Variants in SMARCA1 observed in about 807,000 individuals in gnomAD.
The protein encoded by SMARCA1 is SWI/SNF-related matrix-associated actin-dependent regulator of chromatin subfamily A member 1.
Under a neutral mutation model 93.6 loss-of-function variants are expected in SMARCA1, and 17 were observed. That is an observed-to-expected ratio of 0.18 (90% confidence interval 0.12 to 0.27). SMARCA1 has a LOEUF of 0.27. Ranked by LOEUF, SMARCA1 falls within the 10% of genes least tolerant of loss-of-function variation. The pLI, the probability that SMARCA1 is intolerant of heterozygous loss-of-function variation, is 1.00. For missense variants in SMARCA1, 630 were observed against 819.0 expected (o/e 0.77, Z 2.82); for synonymous variants, 271 against 271.4 (o/e 1.00, Z 0.01).
intron 17 of SMARCA1, among the ~76,000 whole-genome samples, chrX:129,484,717 G>T (rs1933822645): frequency 9.0e-6 from 1 of 111,555 alleles, no homozygotes; most frequent in Non-Finnish European, 1.9e-5. Context: ...AATAAATTGG[G>T]GAGAAGGGGT....
chrX:129,470,885 T>C (rs1347416796), intron 20 of SMARCA1, among the ~76,000 whole-genome samples: 2 of 111,928 alleles, frequency 1.8e-5, no homozygotes, highest in African/African-American at 6.5e-5. Context: ...AAAAAGAATA[T>C]GTTAATAACT....
rs774003121 is a variant in SMARCA1 at position 129,516,103 on chromosome X, G to A, written c.429-109C>T. 3.0e-5 allele frequency: 20 copies of A among 659,359 alleles called. No homozygotes were observed. In the East Asian group the frequency reaches 4.8e-4, roughly 16 times the overall value. 54.3% of individuals were successfully genotyped at this position (659,359 alleles called of 1,213,427 possible). Reference sequence around the variant, plus strand: ...TATAGAAAAAGAATGAGTTGTCCAAGGTCTTGCTTAGAAATCAGTAGAACC... The same window carrying A: ...TATAGAAAAAGAATGAGTTGTCCAAAGTCTTGCTTAGAAATCAGTAGAACC... On this transcript the variant is annotated intron_variant, in intron 3 of 24. Transcript: ENST00000371121.
At position 129,523,283 on chromosome X, in the gene SMARCA1, C is replaced by G. The variant is rs778380103; in HGVS notation, c.88G>C (p.Gly30Arg). Reference sequence around the variant, plus strand: ...CCCTCCTCCTGAGAGGTGGACGGCCCGGGCTGCTCGTCCTCTATGACCACG... The same window carrying G: ...CCCTCCTCCTGAGAGGTGGACGGCCGGGGCTGCTCGTCCTCTATGACCACG... Reference protein sequence around the residue: ...TIVVIEDEQPGPSTSQEEGAA... With the variant: ...TIVVIEDEQPRPSTSQEEGAA... Residue 30 changes from glycine to arginine, a missense_variant, in exon 1 of 25, where the codon GGG (glycine) becomes CGG (arginine). Gly to Arg is a moderately radical substitution (Grantham distance 125). This residue lies in a region of SMARCA1 where 103 missense variants were observed against 82.0 expected (regional missense o/e 1.26). Coordinates refer to ENST00000371121, the MANE Select transcript of SMARCA1 (RefSeq NM_001282874.2). The G allele has an allele frequency of 6.2e-5, 75 of 1,207,176 alleles. No individual in the cohort carries two copies. Among genetic ancestry groups the G allele is most frequent in the Middle Eastern group, 2.3e-4 (1 of 4,354 alleles).
rs183726752 is a variant in SMARCA1, at chrX:129,470,120, G to A, written c.2565+1084C>T. On this transcript the variant is annotated intron_variant, in intron 20 of 24. Transcript: ENST00000371121. ...TAAAAACTATCTTTCAATAATTAAC[G>A]TGGAGAATTACCTACTACTATGCAT... Among the ~76,000 whole-genome samples, 472 of 111,070 alleles carry A rather than the reference G, an allele frequency of 4.2e-3. 1 individual carries two copies. The highest frequency in any genetic ancestry group is 0.015 in the African/African-American group (449 of 30,706).
intron 21 of SMARCA1, 55 bp from the exon 22 acceptor site, chrX:129,466,017 G>A: frequency 1.8e-6 from 1 of 570,384 alleles, no homozygotes; most frequent in Non-Finnish European, 2.8e-6. Context: ...ATAAATCCAA[G>A]GAATTGTAGA....
intron 2 of SMARCA1, among the ~76,000 whole-genome samples, 194 bp downstream of exon 2, chrX:129,518,167 T>C: frequency 8.9e-6 from 1 of 111,851 alleles, no homozygotes; most frequent in Non-Finnish European, 1.9e-5. Flanking sequence ...GATCCTTTAT[T>C]TCCTCATCTG....
At chrX:129,466,709 T>G (rs1037090910) in intron 21 of SMARCA1, among the ~76,000 whole-genome samples, 1 of 110,750 alleles carries the variant, frequency 9.0e-6, no homozygotes, top group Non-Finnish European at 1.9e-5. Context: ...TTGTTCAAAT[T>G]TTTTTCTATG....
chrX:129,507,347 C>G, intron 7 of SMARCA1, among the ~76,000 whole-genome samples: 1 of 111,818 alleles, frequency 8.9e-6, no homozygotes, highest in Non-Finnish European at 1.9e-5. Context: ...TATAAGGTAG[C>G]CCCTCAATAA....
intron 20 of SMARCA1, among the ~76,000 whole-genome samples, chrX:129,470,349 T>G (rs5930343): frequency 9.1e-6 from 1 of 109,499 alleles, no homozygotes; most frequent in Admixed American, 9.9e-5. Flanking sequence ...TTTGTTCAAA[T>G]GGAAACCTTC....
rs764074737 is a variant in SMARCA1, at chrX:129,471,251, G to A, written c.2518C>T (p.Pro840Ser). 25 of 1,200,134 alleles carry A rather than the reference G, an allele frequency of 2.1e-5. No homozygotes were observed. The South Asian group carries it at 4.1e-4, about 20-fold the overall frequency. The part of the protein sequence containing the change: ...EEQKKIDGAE[P>S]LTPEETEEKE... ...TCTTCAGTCTCTTCTGGTGTAAGAG[G>A]TTCAGCTCCATCAATCTTTTTTTGC... is the stretch of plus-strand genomic sequence containing the variant. The change falls in exon 20 of 25, where the codon CCT becomes TCT. Residue 840 changes from proline (P) to serine (S), a missense_variant. Pro to Ser is a moderately conservative substitution (Grantham distance 74). This residue lies in a region of SMARCA1 where 52 missense variants were observed against 38.3 expected (regional missense o/e 1.36). Transcript: ENST00000371121.
chrX:129,446,630 T>A lies in SMARCA1; in HGVS notation c.*532A>T, dbSNP rs1382833685. The A allele has an allele frequency of 8.9e-6, 1 of 112,565 alleles. No individual in the cohort carries two copies. Among genetic ancestry groups the A allele is most frequent in the Non-Finnish European group, 1.9e-5 (1 of 53,297 alleles). The allele number at this position is 112,565 out of a possible 1,213,427, so 9.3% of individuals were successfully genotyped here. A position where few individuals can be genotyped will look rare whatever the true frequency, so the allele number is the denominator to read the frequency against. On this transcript the variant is annotated 3_prime_UTR_variant, in exon 25 of 25. Transcript: ENST00000371121. ...TTTTAATATTTTTCTTTCCTCACCCTTTATTCCTTTAGGAAAAAAATATTT... is the reference window on the plus strand; with the variant it reads ...TTTTAATATTTTTCTTTCCTCACCCATTATTCCTTTAGGAAAAAAATATTT...
At chrX:129,472,702 T>C (rs528630900) in intron 19 of SMARCA1, among the ~76,000 whole-genome samples, 2 of 111,982 alleles carry the variant, frequency 1.8e-5, no homozygotes, top group Admixed American at 1.9e-4. Flanking sequence ...ATCCCAAATG[T>C]TTCAGACCAG....
intron 20 of SMARCA1, 105 bp downstream of exon 20, chrX:129,471,099 T>C: frequency 1.4e-5 from 8 of 553,412 alleles, no homozygotes; most frequent in Non-Finnish European, 2.2e-5. Flanking sequence ...GTTTTGTTGG[T>C]GTGTCACACT....
intron 1 of SMARCA1, among the ~76,000 whole-genome samples, chrX:129,521,346 T>C (rs780438202): frequency 1.8e-5 from 2 of 111,921 alleles, no homozygotes; most frequent in Non-Finnish European, 3.8e-5. Context: ...ACTTTTAGTA[T>C]GCAATTTAAA....
At chrX:129,498,093 AATC>A in intron 10 of SMARCA1, 22 bp from the exon 11 acceptor site, 1 of 893,622 alleles carries the variant, frequency 1.1e-6, no homozygotes. Context: ...AACTATAATT[AATC>A]ATCAATTACT....
intron 9 of SMARCA1, 39 bp downstream of exon 9, chrX:129,504,695 C>T (rs1208584476): frequency 3.1e-6 from 3 of 957,968 alleles, no homozygotes; most frequent in Non-Finnish European, 4.5e-6. Context: ...TTTGTGTATA[C>T]TATTTAATTA....
At chrX:129,454,528 T>C (rs1241505295) in intron 23 of SMARCA1, among the ~76,000 whole-genome samples, 1 of 111,959 alleles carries the variant, frequency 8.9e-6, no homozygotes, top group Non-Finnish European at 1.9e-5. Context: ...GGAGAAAATC[T>C]TTGCAATCTA....
At chrX:129,503,085 G>A (rs1452167834) in intron 9 of SMARCA1, among the ~76,000 whole-genome samples, 2 of 111,780 alleles carry the variant, frequency 1.8e-5, no homozygotes, top group Non-Finnish European at 3.8e-5. Flanking sequence ...TTCTTTTTGA[G>A]AAAGGAATGA....
intron 12 of SMARCA1, among the ~76,000 whole-genome samples, chrX:129,494,285 T>C (rs926985803): frequency 1.8e-5 from 2 of 111,604 alleles, no homozygotes; most frequent in African/African-American, 6.5e-5. Flanking sequence ...CATAGGGCCT[T>C]ATTTAGTATG....
Sources: allele counts gnomAD v4.1 joint callset (sites outside exome capture counted in the v4.1 genomes callset), GRCh38; gene constraint gnomAD v4.1.1; regional missense constraint gnomAD v4.1.1; transcripts MANE v1.5; gene names NCBI Gene and HGNC (gene_info 2026-07-23, HGNC 2026-07-21).